The following PCDHA7 variants were observed in gnomAD, a reference collection of about 807,000 sequenced individuals.
The protein encoded by PCDHA7 is protocadherin alpha-7.
Under a neutral mutation model 57.2 loss-of-function variants are expected in PCDHA7, and 37 were observed. That is an observed-to-expected ratio of 0.65 (90% confidence interval 0.50 to 0.85). The LOEUF (loss-of-function observed/expected upper bound fraction) is 0.85, where lower values mean the gene tolerates loss of function less well. Among genes scored for constraint, PCDHA7 ranks in the 40% least tolerant of loss-of-function variants. The pLI is 0.00. For synonymous variants in PCDHA7, 553 were observed against 558.8 expected, an observed-to-expected ratio of 0.99 and a Z score of 0.15; for missense variants, 1,188 against 1,241.8, an observed-to-expected ratio of 0.96 and a Z score of 0.65.
At chr5:140,938,190 C>T (rs2091964057) in intron 1 of PCDHA7, among the ~76,000 whole-genome samples, 1 of 152,212 alleles carries the variant, frequency 6.6e-6, no homozygotes. Flanking sequence ...AAGCAATCCT[C>T]CCACGCCAGC....
intron 2 of PCDHA7, among the ~76,000 whole-genome samples, chr5:140,981,613 G>C (rs1279038280): frequency 6.6e-6 from 1 of 152,056 alleles, no homozygotes; most frequent in Non-Finnish European, 1.5e-5. Flanking sequence ...CTCTAATTTT[G>C]ATGAGGGTTT....
At chr5:140,875,324 C>G in intron 1 of PCDHA7, 2 of 1,426,280 alleles carry the variant, frequency 1.4e-6, no homozygotes, top group Non-Finnish European at 1.8e-6. Flanking sequence ...CAATCATTCA[C>G]GGAATAGGAT....
At chr5:140,842,090 A>G in intron 1 of PCDHA7, 1 of 1,613,904 alleles carries the variant, frequency 6.2e-7, no homozygotes, top group Non-Finnish European at 8.5e-7. Flanking sequence ...AAACGCAGAC[A>G]ACGGAACAAC....
rs1013599044 is a variant in PCDHA7, at chr5:140,900,058, C to T, written c.2355+63320C>T. ...TTCCTGGGCTCAAGTGATCCTTTAACCTCAGCCTCCAAAAGTGCTGCAGTT... is the reference window on the plus strand; with the variant it reads ...TTCCTGGGCTCAAGTGATCCTTTAATCTCAGCCTCCAAAAGTGCTGCAGTT... On this transcript the variant is annotated intron_variant, in intron 1 of 3. Coordinates refer to ENST00000525929, the MANE Select transcript of PCDHA7 (RefSeq NM_018910.3). Among the ~76,000 whole-genome samples the T allele has an allele frequency of 2.0e-5, 3 of 152,160 alleles. 1 individual carries two copies. Among genetic ancestry groups the T allele is most frequent in the Non-Finnish European group, 1.5e-5 (1 of 68,028 alleles).
chr5:140,894,821 C>T, intron 1 of PCDHA7, among the ~76,000 whole-genome samples: 1 of 151,806 alleles, frequency 6.6e-6, no homozygotes, highest in Non-Finnish European at 1.5e-5. Context: ...TCAGATTTGC[C>T]CATAATCCTT....
intron 1 of PCDHA7, chr5:140,852,034 GT>G: frequency 1.1e-6 from 1 of 935,708 alleles, no homozygotes; most frequent in Non-Finnish European, 1.3e-6. Flanking sequence ...CGCTTATTGA[GT>G]TTTTGTTATG....
At position 140,836,319 on chromosome 5, in the gene PCDHA7, C is replaced by G. The variant is rs577271797; in HGVS notation, c.1936C>G (p.Arg646Gly). Reference protein sequence around the residue: ...ALDETDAPRHRLLVLVKDHGE... With the variant: ...ALDETDAPRHGLLVLVKDHGE... The stretch of plus-strand genomic sequence containing the variant: ...AGATGAGACGGACGCACCGCGCCAC[C>G]GCCTTCTGGTGCTTGTGAAGGACCA... Residue 646 changes from arginine (R) to glycine (G), a missense_variant, in exon 1 of 4, where the codon CGC becomes GGC. This residue lies in a region of PCDHA7 where 892 missense variants were observed against 788.5 expected (regional missense o/e 1.13). Coordinates refer to ENST00000525929, the MANE Select transcript of PCDHA7 (RefSeq NM_018910.3). 1.2e-6 allele frequency: 2 copies of G among 1,613,720 alleles called. No individual in the cohort carries two copies. Among genetic ancestry groups the G allele is most frequent in the Middle Eastern group, 1.6e-4 (1 of 6,062 alleles).
At chr5:140,965,238 A>T (rs540671197) in intron 1 of PCDHA7, among the ~76,000 whole-genome samples, 1 of 152,314 alleles carries the variant, frequency 6.6e-6, no homozygotes, top group African/African-American at 2.4e-5. Flanking sequence ...ACCTGGGAAG[A>T]GTGAATATTC....
chr5:140,863,264 C>A (rs1432032847), intron 1 of PCDHA7: 2 of 1,454,796 alleles, frequency 1.4e-6, no homozygotes, highest in African/African-American at 1.4e-5. Context: ...GTCCGGGAGG[C>A]AGCGCTGGTG....
At chr5:140,937,399 T>C (rs2091517737) in intron 1 of PCDHA7, among the ~76,000 whole-genome samples, 1 of 152,226 alleles carries the variant, frequency 6.6e-6, no homozygotes, top group African/African-American at 2.4e-5. Context: ...TATAGGGGTA[T>C]TGCACAACTT....
At chr5:140,902,860 G>C (rs1360454438) in intron 1 of PCDHA7, among the ~76,000 whole-genome samples, 1 of 152,130 alleles carries the variant, frequency 6.6e-6, no homozygotes, top group Non-Finnish European at 1.5e-5. Context: ...ATGGCGTCCA[G>C]GTCCACCCAA....
intron 1 of PCDHA7, chr5:140,929,602 A>G: frequency 2.4e-6 from 1 of 417,610 alleles, no homozygotes; most frequent in Non-Finnish European, 4.3e-6. Flanking sequence ...CTAAAATTAA[A>G]AATAAAATAC....
intron 1 of PCDHA7, among the ~76,000 whole-genome samples, chr5:140,955,549 C>T (rs1216178805): frequency 6.6e-6 from 1 of 152,140 alleles, no homozygotes; most frequent in Non-Finnish European, 1.5e-5. Context: ...TTCTTGAGGC[C>T]TCCCCAGCCA....
intron 1 of PCDHA7, among the ~76,000 whole-genome samples, chr5:140,959,119 G>A (rs576475580): frequency 3.3e-5 from 5 of 152,160 alleles, no homozygotes; most frequent in East Asian, 3.9e-4. Context: ...GAAGGTGGGC[G>A]AGGTGAGCCC....
intron 1 of PCDHA7, chr5:140,857,244 C>A: frequency 6.3e-7 from 1 of 1,598,592 alleles, no homozygotes; most frequent in Admixed American, 1.7e-5. Flanking sequence ...CTGGTGTCCA[C>A]CTACAAGAAT....
At chr5:140,945,722 A>G (rs2093833983) in intron 1 of PCDHA7, among the ~76,000 whole-genome samples, 1 of 152,110 alleles carries the variant, frequency 6.6e-6, no homozygotes, top group African/African-American at 2.4e-5. Context: ...TCAAGAATAT[A>G]CAATGGAAAA....
At chr5:140,925,131 T>A (rs986113292) in intron 1 of PCDHA7, among the ~76,000 whole-genome samples, 5 of 150,904 alleles carry the variant, frequency 3.3e-5, no homozygotes, top group East Asian at 1.9e-4. Context: ...GGAAAAAAAA[T>A]TTCAAACATA....
intron 1 of PCDHA7, chr5:140,856,277 A>T: frequency 1.9e-6 from 3 of 1,598,280 alleles, no homozygotes; most frequent in Non-Finnish European, 2.6e-6. Flanking sequence ...TCTGGAGGTA[A>T]ATCTGCAGAA....
intron 1 of PCDHA7, among the ~76,000 whole-genome samples, chr5:140,894,005 G>A (rs1365314012): frequency 6.6e-6 from 1 of 152,072 alleles, no homozygotes; most frequent in Non-Finnish European, 1.5e-5. Context: ...TGTATGGTTG[G>A]TTCAAATTAC....
Sources: allele counts gnomAD v4.1 joint callset (sites outside exome capture counted in the v4.1 genomes callset), GRCh38; gene constraint gnomAD v4.1.1; regional missense constraint gnomAD v4.1.1; transcripts MANE v1.5; gene names NCBI Gene and HGNC (gene_info 2026-07-23, HGNC 2026-07-21).